STN1: variants seen among roughly 807,000 people sequenced by gnomAD.
The protein encoded by STN1 is CST complex subunit STN1.
In STN1, 29 loss-of-function variants were observed where a neutral mutation model predicts 45.5. The ratio of observed to expected loss-of-function variants is 0.64; its 90% CI spans 0.47 to 0.87. STN1 has a LOEUF of 0.87. Ranked by LOEUF, STN1 falls within the 40% of genes least tolerant of loss-of-function variation. The pLI, the probability that STN1 is intolerant of heterozygous loss-of-function variation, is 0.00. For missense variants in STN1, 376 were observed against 441.4 expected, an observed-to-expected ratio of 0.85 and a Z score of 1.33; for synonymous variants, 148 against 159.0, an observed-to-expected ratio of 0.93 and a Z score of 0.52.
intron 3 of STN1, among the ~76,000 whole-genome samples, chr10:103,909,689 C>G (rs1843278042): frequency 6.6e-6 from 1 of 151,718 alleles, no homozygotes; most frequent in Non-Finnish European, 1.5e-5. Flanking sequence ...ATCAATCATG[C>G]AGGGACTGCC....
chr10:103,916,792 CA>C (rs397768922), intron 2 of STN1, among the ~76,000 whole-genome samples: 53 of 143,684 alleles, frequency 3.7e-4, no homozygotes, highest in East Asian at 6.1e-4. Flanking sequence ...TATTCTAATA[CA>C]AAAAAAAAAA....
intron 8 of STN1, among the ~76,000 whole-genome samples, chr10:103,890,565 T>A (rs1445725327): frequency 6.6e-6 from 1 of 152,178 alleles, no homozygotes; most frequent in Admixed American, 6.5e-5. Flanking sequence ...GAAAGGTGTG[T>A]CCCAGAGCAG....
intron 9 of STN1, among the ~76,000 whole-genome samples, chr10:103,884,085 A>T: frequency 1.1e-5 from 1 of 94,858 alleles, no homozygotes; most frequent in South Asian, 3.8e-4. Context: ...GTGAGACTCC[A>T]TCTCAAAAAA....
chr10:103,897,879 A>C (rs996046213), intron 6 of STN1, among the ~76,000 whole-genome samples, 160 bp from the exon 7 acceptor site: 1 of 152,230 alleles, frequency 6.6e-6, no homozygotes, highest in Non-Finnish European at 1.5e-5. Flanking sequence ...GTGGTTGTTT[A>C]AAATGATGAG....
At chr10:103,913,075 T>G (rs1294428102) in intron 2 of STN1, among the ~76,000 whole-genome samples, 1 of 152,236 alleles carries the variant, frequency 6.6e-6, no homozygotes, top group East Asian at 1.9e-4. Context: ...GATCCTAGCA[T>G]ATACCACTGT....
At chr10:103,886,949 A>C (rs1843107444) in intron 9 of STN1, among the ~76,000 whole-genome samples, 1 of 152,236 alleles carries the variant, frequency 6.6e-6, no homozygotes, top group Admixed American at 6.5e-5. Flanking sequence ...TCAGAGAACA[A>C]GTATCAATCC....
chr10:103,888,684 A>G (rs896162563), intron 9 of STN1, among the ~76,000 whole-genome samples: 1 of 152,194 alleles, frequency 6.6e-6, no homozygotes, highest in Non-Finnish European at 1.5e-5. Flanking sequence ...AGCATGAAAT[A>G]GGAAATAACA....
rs1367586044 is a variant in STN1 at position 103,880,965 on chromosome 10, A to C, written c.*1719T>G. On this transcript the variant is annotated 3_prime_UTR_variant, in exon 10 of 10. Transcript: ENST00000224950. ...ATACACTCTCTCTACGGATATATAC[A>C]TACACACAGGGAGCTGTAGATAATG... Among the ~76,000 whole-genome samples, 1 of 152,194 alleles carries C rather than the reference A, an allele frequency of 6.6e-6. No individual in the cohort carries two copies. Among genetic ancestry groups the C allele is most frequent in the African/African-American group, 2.4e-5 (1 of 41,444 alleles).
At chr10:103,914,379 T>A (rs1193014810) in intron 2 of STN1, among the ~76,000 whole-genome samples, 5 of 132,608 alleles carry the variant, frequency 3.8e-5, no homozygotes, top group African/African-American at 1.2e-4. Flanking sequence ...TATATATTTT[T>A]TTTTTTTTTT....
At chr10:103,899,522 C>T (rs1169897172) in intron 5 of STN1, among the ~76,000 whole-genome samples, 2 of 151,844 alleles carry the variant, frequency 1.3e-5, no homozygotes, top group East Asian at 3.9e-4. Context: ...TGGCGAAACC[C>T]CATCTCTACA....
chr10:103,899,063 C>A, intron 5 of STN1, 63 bp from the exon 6 acceptor site: 1 of 1,577,604 alleles, frequency 6.3e-7, no homozygotes, highest in South Asian at 1.1e-5. Context: ...TCAATTCTTT[C>A]CCAGGCCCAA....
At position 103,881,514 on chromosome 10, in the gene STN1, T is replaced by A. The variant is rs933043626; in HGVS notation, c.*1170A>T. Among the ~76,000 whole-genome samples the A allele has an allele frequency of 6.6e-6, 1 of 152,174 alleles. No individual in the cohort carries two copies. Among genetic ancestry groups the A allele is most frequent in the Non-Finnish European group, 1.5e-5 (1 of 68,026 alleles). The stretch of plus-strand genomic sequence containing the variant: ...TACAAAAGTCTATGACAGGAGGCAA[T>A]CTACTGGTTCTAGCTCTCAGCCTGA... On this transcript the variant is annotated 3_prime_UTR_variant, in exon 10 of 10. Transcript: ENST00000224950.
intron 4 of STN1, among the ~76,000 whole-genome samples, chr10:103,901,896 T>C (rs892708433): frequency 2.6e-5 from 4 of 152,176 alleles, no homozygotes; most frequent in Non-Finnish European, 5.9e-5. Context: ...GCATGCAGGC[T>C]CACAACTCCT....
chr10:103,888,772 G>A (rs1032463358), intron 9 of STN1, among the ~76,000 whole-genome samples: 1 of 152,192 alleles, frequency 6.6e-6, no homozygotes, highest in Admixed American at 6.5e-5. Context: ...AGAATTCCTT[G>A]TCTAGCCCCC....
rs147014381 is a variant in STN1, at chr10:103,894,580, C to T, written c.754-2328G>A. 4.3e-3 allele frequency among the ~76,000 whole-genome samples: 651 copies of T among 152,134 alleles called. 2 individuals are homozygous for T. The highest frequency in any genetic ancestry group is 7.2e-3 in the Non-Finnish European group (489 of 68,000). On this transcript the variant is annotated intron_variant, in intron 7 of 9. Transcript: ENST00000224950. ...TAGTCTCAAGGGTAAAGCCACTAATCGTCTCTTCCAGCCAGCAGCTTTTCC... is the reference window on the plus strand; with the variant it reads ...TAGTCTCAAGGGTAAAGCCACTAATTGTCTCTTCCAGCCAGCAGCTTTTCC...
chr10:103,908,125 T>A (rs1328478688), intron 3 of STN1, among the ~76,000 whole-genome samples: 3 of 113,204 alleles, frequency 2.7e-5, no homozygotes, highest in Admixed American at 9.4e-5. Context: ...CGAGACTCCA[T>A]CTCAAAAAAA....
At chr10:103,915,328 A>G (rs1023060311) in intron 2 of STN1, among the ~76,000 whole-genome samples, 2 of 152,206 alleles carry the variant, frequency 1.3e-5, no homozygotes, top group African/African-American at 4.8e-5. Context: ...GATCTGGCTC[A>G]AAACCCCCAA....
At chr10:103,917,948 C>A (rs1843345865) in intron 1 of STN1, among the ~76,000 whole-genome samples, 152 bp downstream of exon 1, 1 of 152,250 alleles carries the variant, frequency 6.6e-6, no homozygotes, top group Non-Finnish European at 1.5e-5. Context: ...GTAGCAGAAA[C>A]CGCTTGGGGT....
rs1843075445 is a variant in STN1, at chr10:103,882,470, T to A, written c.*214A>T. On this transcript the variant is annotated 3_prime_UTR_variant, in exon 10 of 10. Coordinates refer to ENST00000224950, the MANE Select transcript of STN1 (RefSeq NM_024928.5). ...GAGGGTTTTCTTGTTGTGTCATGGC[T>A]GAGATCAAAGTCATTGTACACCAAG... is the stretch of plus-strand genomic sequence containing the variant. 2.0e-6 allele frequency: 1 copy of A among 492,396 alleles called. No individual in the cohort carries two copies. Among genetic ancestry groups the A allele is most frequent in the Non-Finnish European group, 3.5e-6 (1 of 281,692 alleles). The allele number at this position is 492,396 out of a possible 1,614,324, so 30.5% of individuals were successfully genotyped here. A position where few individuals can be genotyped will look rare whatever the true frequency, so the allele number is the denominator to read the frequency against.
Sources: gnomAD v4.1 joint callset for allele counts (sites outside exome capture counted in the v4.1 genomes callset) on GRCh38, gnomAD v4.1.1 for gene constraint, MANE v1.5 for transcripts, NCBI Gene and HGNC (gene_info 2026-07-23, HGNC 2026-07-21) for gene names.